BPIFB1: variants seen among roughly 807,000 people sequenced by gnomAD.
BPIFB1 encodes BPI fold containing family B member 1.
BPIFB1 carries 34 observed loss-of-function variants against 55.1 expected under a neutral mutation model. That is an observed-to-expected ratio of 0.62 (90% CI 0.47 to 0.82). The LOEUF (loss-of-function observed/expected upper bound fraction) is 0.82, where lower values mean the gene tolerates loss of function less well. Among genes scored for constraint, BPIFB1 ranks in the 40% least tolerant of loss-of-function variants. The pLI is 0.00. For synonymous variants in BPIFB1, 236 were observed against 245.3 expected (o/e 0.96, Z 0.35); for missense variants, 532 against 593.1 (o/e 0.90, Z 1.07).
chr20:33,303,673 G>T (rs1312156249), intron 11 of BPIFB1, among the ~76,000 whole-genome samples: 1 of 152,206 alleles, frequency 6.6e-6, no homozygotes, highest in African/African-American at 2.4e-5. Context: ...ACACACTAGG[G>T]TAAGGGAGTG....
chr20:33,286,449 G>A (rs1048503270), intron 2 of BPIFB1, among the ~76,000 whole-genome samples: 56 of 152,332 alleles, frequency 3.7e-4, no homozygotes, highest in African/African-American at 1.2e-3. Context: ...TGCAGCCACT[G>A]CATGCAGTGA....
rs1038884389 is a variant in BPIFB1, at chr20:33,288,892, G to A, written c.257+10G>A. ...TGAAGCACATCATCTGGTGAGTGGA[G>A]CAGGACCACACCAGGAGCTAGCCCC... On this transcript the variant is annotated intron_variant, in intron 3 of 15. Transcript: ENST00000253354. 13 of 1,611,262 alleles carry A rather than the reference G, an allele frequency of 8.1e-6. No individual in the cohort carries two copies. The highest frequency in any genetic ancestry group is 1.0e-5 in the Non-Finnish European group (12 of 1,179,218).
chr20:33,299,916 A>C lies in BPIFB1; in HGVS notation c.679A>C (p.Ile227Leu), dbSNP rs1383007436. Residue 227 changes from isoleucine to leucine, a missense_variant, in exon 8 of 16, where the codon ATT becomes CTT. Transcript: ENST00000253354. Reference protein sequence around the residue: ...QLVKVPISLSIDRLEFDLLYP... With the variant: ...QLVKVPISLSLDRLEFDLLYP... ...TTGAGCAGTGCCCATTTCCCTCAGC[A>C]TTGACCGTCTGGAGTTTGACCTTCT... The C allele has an allele frequency of 6.2e-7, 1 of 1,613,658 alleles. No homozygotes were observed. The highest frequency in any genetic ancestry group is 1.7e-5 in the Admixed American group (1 of 59,984).
intron 3 of BPIFB1, among the ~76,000 whole-genome samples, chr20:33,289,394 A>C (rs60880672): frequency 0.19 from 22,361 of 114,774 alleles, 1,121 homozygotes; most frequent in African/African-American, 0.27. Flanking sequence ...AAAAAAAAAA[A>C]CAAAAAAAAA....
At chr20:33,299,261 C>G in intron 7 of BPIFB1, 1 of 441,600 alleles carries the variant, frequency 2.3e-6, no homozygotes, top group Non-Finnish European at 4.7e-6. Context: ...CCAGCACTCC[C>G]CATCCTCGGC....
chr20:33,286,935 C>T (rs1162816722), intron 2 of BPIFB1, among the ~76,000 whole-genome samples: 2 of 152,234 alleles, frequency 1.3e-5, no homozygotes, highest in Non-Finnish European at 2.9e-5. Flanking sequence ...AGGGGACTCA[C>T]CTGTCAGCTC....
At chr20:33,285,174 G>A (rs1980223426) in intron 1 of BPIFB1, among the ~76,000 whole-genome samples, 1 of 152,090 alleles carries the variant, frequency 6.6e-6, no homozygotes, top group South Asian at 2.1e-4. Flanking sequence ...GGGAGATATG[G>A]GAGGAGAAAA....
intron 7 of BPIFB1, chr20:33,299,228 G>A (rs1366261666): frequency 2.2e-6 from 1 of 453,476 alleles, no homozygotes; most frequent in Non-Finnish European, 4.5e-6. Flanking sequence ...CCCTGGAGCG[G>A]TAGGCGGCCG....
chr20:33,308,641 CACAT>C (rs956576726), intron 15 of BPIFB1, among the ~76,000 whole-genome samples: 3 of 145,196 alleles, frequency 2.1e-5, no homozygotes, highest in African/African-American at 7.7e-5. Context: ...TACACCTATA[CACAT>C]ACATACACAC....
In BPIFB1 at chr20:33,289,820, G is replaced by C. The variant is rs973084396; in HGVS notation, c.258-65G>C. 4.1e-6 allele frequency: 6 copies of C among 1,452,322 alleles called. No individual in the cohort carries two copies. The Admixed American group carries it at 5.0e-5, about 12-fold the overall frequency. The allele number at this position is 1,452,322 out of a possible 1,614,324, so 90.0% of individuals were successfully genotyped here. ...ACCCCAGGGAGATGGAAAAGATAGAGAGGGAGTGGATTTGGGAATAATGAG... is the reference window on the plus strand; with the variant it reads ...ACCCCAGGGAGATGGAAAAGATAGACAGGGAGTGGATTTGGGAATAATGAG... On this transcript the variant is annotated intron_variant, in intron 3 of 15. Transcript: ENST00000253354.
chr20:33,309,848 C>T lies in BPIFB1; in HGVS notation c.*81C>T. On this transcript the variant is annotated 3_prime_UTR_variant, in exon 16 of 16. Coordinates refer to ENST00000253354, the MANE Select transcript of BPIFB1 (RefSeq NM_033197.3). The surrounding 1 kb of genome is among the most constrained non-coding windows in gnomAD (Gnocchi z 4.4). The stretch of plus-strand genomic sequence containing the variant: ...GAGCTCTATAGACCATCCCTCTCTG[C>T]AATCAATAAACACTTGCCTGTGATG... 7.7e-7 allele frequency: 1 copy of T among 1,301,848 alleles called. No homozygotes were observed. Among genetic ancestry groups the T allele is most frequent in the Non-Finnish European group, 1.1e-6 (1 of 902,284 alleles). 80.6% of individuals were successfully genotyped at this position (1,301,848 alleles called of 1,614,324 possible).
chr20:33,300,724 C>T (rs1600667917), intron 8 of BPIFB1, among the ~76,000 whole-genome samples: 1 of 152,104 alleles, frequency 6.6e-6, no homozygotes, highest in East Asian at 1.9e-4. Context: ...GTAGCTGGGA[C>T]TGCAGGCACT....
At chr20:33,290,847 C>A in intron 4 of BPIFB1, 110 bp from the exon 5 acceptor site, 2 of 1,235,450 alleles carry the variant, frequency 1.6e-6, no homozygotes, top group Non-Finnish European at 1.1e-6. Flanking sequence ...GAGAAACCAG[C>A]AAAGGAGACT....
In BPIFB1 at chr20:33,291,181, T is replaced by C. The variant is rs559527705; in HGVS notation, c.515+75T>C. 3.0e-4 allele frequency: 464 copies of C among 1,552,022 alleles called. 6 individuals are homozygous for C. In the South Asian group the frequency reaches 5.0e-3, roughly 17 times the overall value. ...GCCAGGCAGTGGACTTCCCCCATTTTACAAATGGAGAACGCTGAGGCCTAG... is the reference window on the plus strand; with the variant it reads ...GCCAGGCAGTGGACTTCCCCCATTTCACAAATGGAGAACGCTGAGGCCTAG... On this transcript the variant is annotated intron_variant, in intron 5 of 15. Transcript: ENST00000253354.
chr20:33,284,805 G>A (rs1980213267), intron 1 of BPIFB1, among the ~76,000 whole-genome samples: 2 of 152,120 alleles, frequency 1.3e-5, no homozygotes, highest in Admixed American at 6.5e-5. Context: ...TGGAGGGAGG[G>A]GACAGAGCAG....
At chr20:33,284,834 C>T (rs1018657929) in intron 1 of BPIFB1, among the ~76,000 whole-genome samples, 1 of 152,192 alleles carries the variant, frequency 6.6e-6, no homozygotes, top group Non-Finnish European at 1.5e-5. Context: ...CCAGAATACC[C>T]CCAAGCTCCT....
chr20:33,302,334 C>T, intron 9 of BPIFB1, 25 bp from the exon 10 acceptor site: 2 of 1,613,698 alleles, frequency 1.2e-6, no homozygotes, highest in Non-Finnish European at 1.7e-6. Flanking sequence ...TCCAACTGAC[C>T]TTCTCTGGCT....
At chr20:33,291,875 C>T in intron 5 of BPIFB1, 32 bp from the exon 6 acceptor site, 2 of 1,592,916 alleles carry the variant, frequency 1.3e-6, no homozygotes, top group Non-Finnish European at 8.6e-7. Context: ...TCTGACCCTT[C>T]CTAATGTCTC....
chr20:33,304,755 A>G (rs1425602791), intron 12 of BPIFB1, 91 bp from the exon 13 acceptor site: 9 of 1,507,604 alleles, frequency 6.0e-6, no homozygotes, highest in South Asian at 1.1e-5. Context: ...TGCCTGGCAC[A>G]TAATAGGTGC....
Sources: allele counts gnomAD v4.1 joint callset (sites outside exome capture counted in the v4.1 genomes callset), GRCh38; gene constraint gnomAD v4.1.1; non-coding constraint Gnocchi (gnomAD v3.1); transcripts MANE v1.5; gene names NCBI Gene and HGNC (gene_info 2026-07-23, HGNC 2026-07-21).